MIER2: variants seen among roughly 807,000 people sequenced by gnomAD.
The protein encoded by MIER2 is mesoderm induction early response protein 2.
In MIER2, 30 loss-of-function variants were observed where a neutral mutation model predicts 67.6. The ratio of observed to expected loss-of-function variants is 0.44; its 90% confidence interval spans 0.33 to 0.60. The LOEUF (loss-of-function observed/expected upper bound fraction) is 0.60. Among genes scored for constraint, MIER2 ranks in the 20% least tolerant of loss-of-function variants. MIER2 has a pLI of 0.02. For synonymous variants in MIER2, 372 were observed against 312.6 expected (o/e 1.19, Z -2.00); for missense variants, 702 against 745.1 (o/e 0.94, Z 0.67).
chr19:335,405 C>T (rs1186510606), intron 2 of MIER2, among the ~76,000 whole-genome samples: 1 of 152,212 alleles, frequency 6.6e-6, no homozygotes, highest in Non-Finnish European at 1.5e-5. Context: ...GAGGGAATGA[C>T]CTGGAGCTGA....
intron 10 of MIER2, among the ~76,000 whole-genome samples, chr19:311,401 G>C (rs1400728380): frequency 6.6e-6 from 1 of 152,244 alleles, no homozygotes; most frequent in Non-Finnish European, 1.5e-5. Context: ...GGCAGCACCT[G>C]CCTGTCATGA....
At position 334,360 on chromosome 19, in the gene MIER2, C is replaced by T. The variant is rs200026356; in HGVS notation, c.243+40G>A. 5 of 1,612,002 alleles carry T rather than the reference C, an allele frequency of 3.1e-6. No individual in the cohort carries two copies. In the African/African-American group the frequency reaches 5.3e-5, roughly 17 times the overall value. On this transcript the variant is annotated intron_variant, in intron 3 of 13. Coordinates refer to ENST00000264819, the MANE Select transcript of MIER2 (RefSeq NM_017550.3). ...AACTCATGAGGCTTACCCCGGAGGG[C>T]TCCACCCAACACAGGGGCAGGATCA...
Position 327,114 on chromosome 19 carries a change from T to G in MIER2, c.493+19A>C, listed in dbSNP as rs1257065002. ...CAGGGGGCCTGGCTGCGGTGGAGTA[T>G]GGGGACAGAGTCACCTACATCCACT... On this transcript the variant is annotated intron_variant, in intron 5 of 13. Transcript: ENST00000264819. 1 of 1,571,576 alleles carries G rather than the reference T, an allele frequency of 6.4e-7. No individual in the cohort carries two copies. The highest frequency in any genetic ancestry group is 8.6e-7 in the Non-Finnish European group (1 of 1,166,816).
Position 313,605 on chromosome 19 carries a change from C to G in MIER2, c.694G>C (p.Val232Leu). 1 of 1,613,108 alleles carries G rather than the reference C, an allele frequency of 6.2e-7. No individual in the cohort carries two copies. Among genetic ancestry groups the G allele is most frequent in the South Asian group, 1.1e-5 (1 of 91,084 alleles). ...NEDQLLWDPS[V>L]LPEREVEEFL... ...TCCTCCACCTCCCTCTCAGGGAGGACGCTGGGGTCCCAGAGCAGCTGGTCT... is the reference window on the plus strand; with the variant it reads ...TCCTCCACCTCCCTCTCAGGGAGGAGGCTGGGGTCCCAGAGCAGCTGGTCT... Residue 232 changes from valine to leucine, a missense_variant, in exon 8 of 14, where the codon GTC (valine) becomes CTC (leucine). This residue lies in a region of MIER2 where 128 missense variants were observed against 189.7 expected (regional missense o/e 0.67). Transcript: ENST00000264819.
chr19:326,846 C>T lies in MIER2; in HGVS notation c.494-248G>A, dbSNP rs939093498. On this transcript the variant is annotated intron_variant, in intron 5 of 13. Coordinates refer to ENST00000264819, the MANE Select transcript of MIER2 (RefSeq NM_017550.3). ...CCCTCAGTTCCCAGGAAAGCCAGCA[C>T]AGAGGCTTGTGAAGGAGGCCGGTTC... 6 of 586,962 alleles carry T rather than the reference C, an allele frequency of 1.0e-5. No individual in the cohort carries two copies. In the African/African-American group the frequency reaches 1.1e-4, roughly 11 times the overall value. 36.4% of individuals were successfully genotyped at this position (586,962 alleles called of 1,614,324 possible).
intron 2 of MIER2, 130 bp downstream of exon 2, chr19:335,953 A>G: frequency 6.0e-6 from 5 of 833,780 alleles, no homozygotes; most frequent in Non-Finnish European, 9.7e-6. Flanking sequence ...AACGGGTGGG[A>G]GCTGGGACAC....
At position 336,187 on chromosome 19, in the gene MIER2, G is replaced by C. The variant is rs374212769; in HGVS notation, c.10-14C>G. Reference sequence around the variant, plus strand: ...CAGCGAGGAGGCCTGCGAAGGAAGAGAGGCAGGGTTAGCTCGGCCGGCCCA... The same window carrying C: ...CAGCGAGGAGGCCTGCGAAGGAAGACAGGCAGGGTTAGCTCGGCCGGCCCA... On this transcript the variant is annotated splice_polypyrimidine_tract_variant and intron_variant, in intron 1 of 13. Coordinates refer to ENST00000264819, the MANE Select transcript of MIER2 (RefSeq NM_017550.3). The C allele has an allele frequency of 1.2e-6, 2 of 1,610,426 alleles. No homozygotes were observed. Among genetic ancestry groups the C allele is most frequent in the Non-Finnish European group, 1.7e-6 (2 of 1,177,736 alleles).
chr19:341,211 G>A (rs191580382), intron 1 of MIER2, among the ~76,000 whole-genome samples: 14 of 152,296 alleles, frequency 9.2e-5, no homozygotes, highest in South Asian at 4.1e-4. Context: ...TTCTACTCCC[G>A]CAACCAGGAG....
rs936536017 is a variant in MIER2 at position 316,883 on chromosome 19, C to T, written c.656-3240G>A. ...ACTTGGGAGGCTGAGGCAGGAGAAT[C>T]GCTTGAGCCCAGGAGGCGGAGGTTG... On this transcript the variant is annotated intron_variant, in intron 7 of 13. Transcript: ENST00000264819. Among the ~76,000 whole-genome samples, 6 of 151,796 alleles carry T rather than the reference C, an allele frequency of 4.0e-5. No homozygotes were observed. The South Asian group carries it at 8.3e-4, about 21-fold the overall frequency.
intron 9 of MIER2, 34 bp from the exon 10 acceptor site, chr19:311,973 GCC>G: frequency 6.3e-7 from 1 of 1,594,500 alleles, no homozygotes; most frequent in Non-Finnish European, 8.6e-7. Context: ...GGTCAGTGGT[GCC>G]CAGGGCGGGG....
intron 1 of MIER2, among the ~76,000 whole-genome samples, chr19:339,736 C>A (rs1449870593): frequency 6.6e-6 from 1 of 151,320 alleles, no homozygotes; most frequent in Non-Finnish European, 1.5e-5. Context: ...TGTCGTATGA[C>A]TCATTTAATC....
At chr19:313,154 A>G (rs111374101) in intron 8 of MIER2, among the ~76,000 whole-genome samples, 3,816 of 62,804 alleles carry the variant, frequency 0.061, 302 homozygotes, top group African/African-American at 0.11. Context: ...GCGATGTCAG[A>G]GCCACCTACA....
At chr19:324,506 C>T (rs1470050526) in intron 7 of MIER2, among the ~76,000 whole-genome samples, 2 of 135,424 alleles carry the variant, frequency 1.5e-5, no homozygotes, top group African/African-American at 3.0e-5. Flanking sequence ...GCAGATGACT[C>T]GAAGGACACA....
At chr19:324,881 T>C (rs376703191) in intron 7 of MIER2, among the ~76,000 whole-genome samples, 2 of 152,206 alleles carry the variant, frequency 1.3e-5, no homozygotes, top group East Asian at 1.9e-4. Context: ...CTTCTGGATG[T>C]CCCAGCAGCT....
intron 1 of MIER2, among the ~76,000 whole-genome samples, chr19:341,450 C>T (rs1175142302): frequency 4.6e-5 from 7 of 152,094 alleles, no homozygotes; most frequent in Admixed American, 1.3e-4. Context: ...CGGCTGGGAA[C>T]GGCAGAAAGG....
chr19:317,531 AAAATAAAT>A (rs370133340), intron 7 of MIER2, among the ~76,000 whole-genome samples: 24 of 143,928 alleles, frequency 1.7e-4, no homozygotes, highest in African/African-American at 3.2e-4. Context: ...TGTCTCAGAA[AAAATAAAT>A]AAATAAATAA....
intron 1 of MIER2, chr19:340,602 G>C (rs940017659): frequency 1.3e-5 from 2 of 153,092 alleles, no homozygotes; most frequent in African/African-American, 4.8e-5. Context: ...GGAGGGGTTG[G>C]TCTTCCTGTC....
At chr19:318,106 AG>A (rs1430382903) in intron 7 of MIER2, among the ~76,000 whole-genome samples, 3 of 152,192 alleles carry the variant, frequency 2.0e-5, no homozygotes, top group Admixed American at 2.0e-4. Flanking sequence ...TGGGAGGCAG[AG>A]GGGGAAGAAT....
chr19:311,505 T>G (rs1004259731), intron 10 of MIER2, among the ~76,000 whole-genome samples: 1 of 152,146 alleles, frequency 6.6e-6, no homozygotes, highest in Non-Finnish European at 1.5e-5. Flanking sequence ...GTGGGGCCAA[T>G]GCTGGACACT....
Sources: allele counts gnomAD v4.1 joint callset (sites outside exome capture counted in the v4.1 genomes callset), GRCh38; gene constraint gnomAD v4.1.1; regional missense constraint gnomAD v4.1.1; transcripts MANE v1.5; gene names NCBI Gene and HGNC (gene_info 2026-07-23, HGNC 2026-07-21).